Variants in DSE observed in about 807,000 individuals in gnomAD.
The protein encoded by DSE is dermatan-sulfate epimerase.
Under a neutral mutation model 84.4 loss-of-function variants are expected in DSE, and 36 were observed. That is an observed-to-expected ratio of 0.43 (90% CI 0.33 to 0.56). The LOEUF (loss-of-function observed/expected upper bound fraction) is 0.56, where lower values mean the gene tolerates loss of function less well. Among genes scored for constraint, DSE ranks in the 20% least tolerant of loss-of-function variants. DSE has a pLI of 0.06. For synonymous variants in DSE, 410 were observed against 430.1 expected (o/e 0.95, Z 0.58); for missense variants, 862 against 1,169.6 (o/e 0.74, Z 3.84).
intron 2 of DSE, among the ~76,000 whole-genome samples, chr6:116,287,063 T>C (rs1773955170): frequency 6.6e-6 from 1 of 152,146 alleles, no homozygotes; most frequent in Non-Finnish European, 1.5e-5. Context: ...ATGTGCTGTT[T>C]GTTGCCTTAA....
chr6:116,416,767 G>A (rs79231892), intron 2 of DSE, among the ~76,000 whole-genome samples: 1,705 of 151,312 alleles, frequency 0.011, 35 homozygotes, highest in African/African-American at 0.039. Context: ...ATTGCTAACT[G>A]GCAGTTGTCT....
At chr6:116,296,108 C>T (rs894539232) in intron 2 of DSE, among the ~76,000 whole-genome samples, 5 of 152,050 alleles carry the variant, frequency 3.3e-5, no homozygotes, top group African/African-American at 1.2e-4. Context: ...GGAATTGGTT[C>T]CAGTACCCCC....
intron 1 of DSE, among the ~76,000 whole-genome samples, chr6:116,387,209 G>A (rs1276649650): frequency 1.3e-5 from 2 of 152,130 alleles, no homozygotes; most frequent in Non-Finnish European, 2.9e-5. Flanking sequence ...AAGGTCAAAA[G>A]GAGGAAAGTT....
Position 116,437,036 on chromosome 6 carries a change from G to T in DSE, c.2568G>T (p.Met856Ile). The T allele has an allele frequency of 6.2e-7, 1 of 1,614,000 alleles. No homozygotes were observed. Among genetic ancestry groups the T allele is most frequent in the Non-Finnish European group, 8.5e-7 (1 of 1,179,980 alleles). ...KELPIDEDEE[M>I]KDLLDFADVT... ...TACCCATAGATGAAGATGAAGAAAT[G>T]AAAGACCTTTTAGATTTTGCAGATG... is the stretch of plus-strand genomic sequence containing the variant. Residue 856 changes from methionine (M) to isoleucine (I), a missense_variant, in exon 6 of 6, where the codon ATG becomes ATT. Around this residue, in one of 4 missense-constraint regions of DSE, gnomAD observed 315 missense variants for 348.1 expected, o/e 0.90. Coordinates refer to ENST00000644252, the MANE Select transcript of DSE (RefSeq NM_013352.4).
At chr6:116,270,259 C>G (rs1198787866) in intron 2 of DSE, among the ~76,000 whole-genome samples, 1 of 152,098 alleles carries the variant, frequency 6.6e-6, no homozygotes, top group Non-Finnish European at 1.5e-5. Context: ...GAGGAGTTAT[C>G]AAAACTGACC....
At chr6:116,341,342 A>G (rs1014360130) in intron 2 of DSE, among the ~76,000 whole-genome samples, 11 of 152,142 alleles carry the variant, frequency 7.2e-5, no homozygotes, top group South Asian at 4.2e-4. Flanking sequence ...TTTTTCGTGT[A>G]AATTTGTTTG....
At chr6:116,259,322 A>C (rs1425893388) in intron 2 of DSE, 1 of 477,566 alleles carries the variant, frequency 2.1e-6, no homozygotes, top group African/African-American at 1.9e-5. Context: ...CTGTAGACTT[A>C]CCAGTGTATG....
In DSE at chr6:116,299,598, G is replaced by A. The variant is rs1489022086; in HGVS notation, c.-54+40631G>A. ...CATACATATATATGTATGTATATGTGTGTGTATATGTATGTATGTAGGTAG... is the reference window on the plus strand; with the variant it reads ...CATACATATATATGTATGTATATGTATGTGTATATGTATGTATGTAGGTAG... On this transcript the variant is annotated intron_variant, in intron 2 of 3. Transcript: ENST00000430252. Among the ~76,000 whole-genome samples, 9 of 130,440 alleles carry A rather than the reference G, an allele frequency of 6.9e-5. No individual in the cohort carries two copies. In the East Asian group the frequency reaches 1.3e-3, roughly 19 times the overall value. The allele number at this position is 130,440 out of a possible 152,430, so 85.6% of individuals were successfully genotyped here.
chr6:116,345,766 A>G (rs1232344597), intron 2 of DSE, among the ~76,000 whole-genome samples: 1 of 152,200 alleles, frequency 6.6e-6, no homozygotes, highest in East Asian at 1.9e-4. Context: ...AATAACTAAG[A>G]TCAGAGCAGA....
chr6:116,437,408 T>C lies in DSE; in HGVS notation c.*63T>C. On this transcript the variant is annotated 3_prime_UTR_variant, in exon 6 of 6. Transcript: ENST00000644252. Reference sequence around the variant, plus strand: ...CAAGAGTCTATGCAAAAAAAAAAATTTCTTTACCCCAGATTATCAGATTTT... The same window carrying C: ...CAAGAGTCTATGCAAAAAAAAAAATCTCTTTACCCCAGATTATCAGATTTT... 6 of 1,391,692 alleles carry C rather than the reference T, an allele frequency of 4.3e-6. No homozygotes were observed. Among genetic ancestry groups the C allele is most frequent in the Non-Finnish European group, 5.7e-6 (6 of 1,051,972 alleles). The allele number at this position is 1,391,692 out of a possible 1,614,324, so 86.2% of individuals were successfully genotyped here. A position where few individuals can be genotyped will look rare whatever the true frequency, so the allele number is the denominator to read the frequency against.
intron 2 of DSE, among the ~76,000 whole-genome samples, chr6:116,309,330 A>ACATG (rs1199398846): frequency 1.5e-3 from 228 of 152,144 alleles, no homozygotes; most frequent in Non-Finnish European, 1.9e-3. Context: ...ATACATACAT[A>ACATG]CATACATACA....
At chr6:116,425,957 C>T (rs191746512) in intron 2 of DSE, among the ~76,000 whole-genome samples, 280 of 152,262 alleles carry the variant, frequency 1.8e-3, no homozygotes, top group South Asian at 0.013. Flanking sequence ...ACCTTTAAGG[C>T]AGTGCAGTTC....
intron 1 of DSE, among the ~76,000 whole-genome samples, chr6:116,393,828 T>G (rs1781064523): frequency 6.6e-6 from 1 of 152,242 alleles, no homozygotes; most frequent in African/African-American, 2.4e-5. Context: ...TTATACTTTC[T>G]CTGTTTTCTG....
intron 2 of DSE, among the ~76,000 whole-genome samples, chr6:116,425,686 G>A (rs1002575036): frequency 1.4e-5 from 2 of 146,664 alleles, no homozygotes; most frequent in African/African-American, 5.0e-5. Context: ...GCAGTGGCGC[G>A]ATCTCGGCTC....
intron 1 of DSE, among the ~76,000 whole-genome samples, chr6:116,377,622 T>G (rs969094732): frequency 2.0e-5 from 3 of 152,174 alleles, no homozygotes; most frequent in African/African-American, 7.2e-5. Flanking sequence ...ATTTTTCAGT[T>G]TTAGAAATGA....
At chr6:116,332,394 AAGAG>A in intron 2 of DSE, among the ~76,000 whole-genome samples, 1 of 138,744 alleles carries the variant, frequency 7.2e-6, no homozygotes, top group Admixed American at 7.5e-5. Flanking sequence ...GTGTGTGTGT[AAGAG>A]AGACACAGGG....
intron 2 of DSE, among the ~76,000 whole-genome samples, chr6:116,359,894 T>C (rs1562252737): frequency 1.3e-5 from 2 of 152,218 alleles, no homozygotes; most frequent in Non-Finnish European, 2.9e-5. Context: ...TGTTAAGCCA[T>C]AGTCATTCTT....
At chr6:116,353,969 C>A (rs1050813359) in intron 2 of DSE, among the ~76,000 whole-genome samples, 1 of 152,144 alleles carries the variant, frequency 6.6e-6, no homozygotes, top group African/African-American at 2.4e-5. Context: ...AAGCAGTCTT[C>A]AGATACTGAA....
chr6:116,341,327 TAATTTTTTTCGTGTA>T (rs1372506647), intron 2 of DSE, among the ~76,000 whole-genome samples: 1 of 152,250 alleles, frequency 6.6e-6, no homozygotes, highest in African/African-American at 2.4e-5. Flanking sequence ...TTCGATGGGA[TAATTTTTTTCGTGTA>T]AATTTGTTTG....
Sources: gnomAD v4.1 joint callset for allele counts (sites outside exome capture counted in the v4.1 genomes callset) on GRCh38, gnomAD v4.1.1 for gene constraint, gnomAD v4.1.1 regional missense constraint, MANE v1.5 for transcripts, NCBI Gene and HGNC (gene_info 2026-07-23, HGNC 2026-07-21) for gene names.